KCNIP4: variants seen among roughly 807,000 people sequenced by gnomAD.
KCNIP4 encodes Kv channel-interacting protein 4.
In KCNIP4, 12 loss-of-function variants were observed where a neutral mutation model predicts 34.0. The observed-to-expected ratio is 0.35, with a 90% CI of 0.23 to 0.57. KCNIP4 has a LOEUF of 0.57. KCNIP4 is among the 20% of genes least tolerant of loss of function. The probability of loss-of-function intolerance (pLI) is 0.83; values close to 1 mark genes in which losing one functional copy is unlikely to be tolerated. For missense variants in KCNIP4, 238 were observed against 311.7 expected (o/e 0.76, Z 1.78); for synonymous variants, 124 against 102.2 (o/e 1.21, Z -1.29).
At chr4:21,901,898 T>C (rs980167648) in intron 1 of KCNIP4, among the ~76,000 whole-genome samples, 4 of 152,112 alleles carry the variant, frequency 2.6e-5, no homozygotes, top group Non-Finnish European at 1.5e-5. Context: ...CCCGATCCCA[T>C]TGATCTGCCC....
chr4:21,179,132 T>C (rs978232912), intron 1 of KCNIP4, among the ~76,000 whole-genome samples: 3 of 152,204 alleles, frequency 2.0e-5, no homozygotes, highest in Non-Finnish European at 4.4e-5. Context: ...CTATATTTTC[T>C]ATTATCTTTC....
At chr4:21,202,077 G>T (rs1418537989) in intron 1 of KCNIP4, among the ~76,000 whole-genome samples, 1 of 152,152 alleles carries the variant, frequency 6.6e-6, no homozygotes, top group Non-Finnish European at 1.5e-5. Context: ...AAAGAACGAA[G>T]AGTTGAATTA....
chr4:21,038,788 T>C (rs927126178), intron 1 of KCNIP4, among the ~76,000 whole-genome samples: 2 of 152,210 alleles, frequency 1.3e-5, no homozygotes, highest in Non-Finnish European at 2.9e-5. Flanking sequence ...ATCCATTTCA[T>C]AGAAGTCTGA....
intron 3 of KCNIP4, among the ~76,000 whole-genome samples, chr4:20,808,426 G>A (rs950382906): frequency 4.6e-5 from 7 of 152,174 alleles, no homozygotes; most frequent in Admixed American, 4.6e-4. Context: ...TCATGTTTTA[G>A]TTAGAGGAAA....
chr4:21,354,970 A>C (rs899177739), intron 1 of KCNIP4, among the ~76,000 whole-genome samples: 1 of 152,236 alleles, frequency 6.6e-6, no homozygotes, highest in Non-Finnish European at 1.5e-5. Flanking sequence ...AGTGCAATCA[A>C]ATGAGAACTC....
At chr4:20,762,831 T>C (rs1385654977) in intron 3 of KCNIP4, among the ~76,000 whole-genome samples, 1 of 152,174 alleles carries the variant, frequency 6.6e-6, no homozygotes, top group Non-Finnish European at 1.5e-5. Flanking sequence ...TGCCCAAGTC[T>C]GGGTAATTTA....
intron 1 of KCNIP4, among the ~76,000 whole-genome samples, chr4:21,186,621 T>C (rs954217223): frequency 6.6e-6 from 1 of 152,112 alleles, no homozygotes; most frequent in African/African-American, 2.4e-5. Context: ...CAATTTTCCT[T>C]TCTGCTTTCT....
At chr4:21,620,108 C>T (rs925933421) in intron 1 of KCNIP4, among the ~76,000 whole-genome samples, 5 of 152,264 alleles carry the variant, frequency 3.3e-5, no homozygotes, top group African/African-American at 1.2e-4. Flanking sequence ...ATAATTAATT[C>T]TGGAAATCCA....
At chr4:21,726,654 T>C (rs1715217361) in intron 1 of KCNIP4, among the ~76,000 whole-genome samples, 1 of 152,188 alleles carries the variant, frequency 6.6e-6, no homozygotes, top group Admixed American at 6.6e-5. Context: ...TCTCCTCATG[T>C]TTTCAGAAAT....
chr4:20,897,237 C>T (rs1023548781), intron 1 of KCNIP4, among the ~76,000 whole-genome samples: 1 of 152,046 alleles, frequency 6.6e-6, no homozygotes, highest in Admixed American at 6.6e-5. Flanking sequence ...CCCCTCCAAC[C>T]CACCGCCCCT....
chr4:21,408,224 A>G (rs1724173145), intron 1 of KCNIP4, among the ~76,000 whole-genome samples: 1 of 152,196 alleles, frequency 6.6e-6, no homozygotes, highest in Non-Finnish European at 1.5e-5. Context: ...CAGTAATATG[A>G]TAATATAGAA....
chr4:21,260,636 T>TGATGTCCATAG (rs1761410463), intron 1 of KCNIP4, among the ~76,000 whole-genome samples: 1 of 152,218 alleles, frequency 6.6e-6, no homozygotes, highest in African/African-American at 2.4e-5. Context: ...GCACCAGTTC[T>TGATGTCCATAG]GATGTCCATA....
At chr4:21,136,004 A>C (rs1373879360) in intron 1 of KCNIP4, among the ~76,000 whole-genome samples, 1 of 152,212 alleles carries the variant, frequency 6.6e-6, no homozygotes, top group African/African-American at 2.4e-5. Context: ...AGTAGTATTT[A>C]TTACATCTTC....
At chr4:21,334,747 A>G (rs752004040) in intron 1 of KCNIP4, among the ~76,000 whole-genome samples, 1 of 151,980 alleles carries the variant, frequency 6.6e-6, no homozygotes, top group Admixed American at 6.6e-5. Context: ...GATATTTTAT[A>G]TAAAATGTAT....
At chr4:21,710,463 G>A (rs1473613886) in intron 1 of KCNIP4, among the ~76,000 whole-genome samples, 1 of 152,164 alleles carries the variant, frequency 6.6e-6, no homozygotes, top group Non-Finnish European at 1.5e-5. Context: ...TACTAACTGC[G>A]TACTGTAACC....
chr4:21,305,694 T>C (rs1209754692), intron 1 of KCNIP4, among the ~76,000 whole-genome samples: 1 of 152,236 alleles, frequency 6.6e-6, no homozygotes, highest in Non-Finnish European at 1.5e-5. Flanking sequence ...CTCCTGTCGA[T>C]ACACTCTACC....
At chr4:21,218,079 G>A (rs950703604) in intron 1 of KCNIP4, among the ~76,000 whole-genome samples, 2 of 151,324 alleles carry the variant, frequency 1.3e-5, no homozygotes, top group Non-Finnish European at 2.9e-5. Flanking sequence ...GCAATGGTAG[G>A]ATCTCGGCTA....
At position 21,325,574 on chromosome 4, in the gene KCNIP4, A is replaced by C. The variant is rs968523505; in HGVS notation, c.62-442865T>G. 2.0e-5 allele frequency among the ~76,000 whole-genome samples: 3 copies of C among 150,776 alleles called. No individual in the cohort carries two copies. The South Asian group carries it at 6.3e-4, about 32-fold the overall frequency. On this transcript the variant is annotated intron_variant, in intron 1 of 8. Coordinates refer to ENST00000382152, the MANE Select transcript of KCNIP4 (RefSeq NM_025221.6). ...ACTTTATGTTTCATTGATCTTTTTT[A>C]CTGTTTTCTTTGTTTTCTTTTCATT...
chr4:21,471,816 C>A (rs1056469314), intron 1 of KCNIP4, among the ~76,000 whole-genome samples: 1 of 152,222 alleles, frequency 6.6e-6, no homozygotes, highest in East Asian at 1.9e-4. Context: ...AATGAGAGGA[C>A]CTATGGTATC....
Sources: allele counts gnomAD v4.1 joint callset (sites outside exome capture counted in the v4.1 genomes callset), GRCh38; gene constraint gnomAD v4.1.1; transcripts MANE v1.5; gene names NCBI Gene and HGNC (gene_info 2026-07-23, HGNC 2026-07-21).